ZNF724: variants seen among roughly 807,000 people sequenced by gnomAD.
ZNF724 encodes zinc finger protein 724 pseudogene.
ZNF724 carries 14 observed loss-of-function variants against 29.3 expected under a neutral mutation model. The observed-to-expected ratio is 0.48, with a 90% confidence interval of 0.32 to 0.75. The LOEUF (loss-of-function observed/expected upper bound fraction) is 0.75, where lower values mean the gene tolerates loss of function less well. Ranked by LOEUF, ZNF724 falls within the 30% of genes least tolerant of loss-of-function variation. The pLI is 0.04. For missense variants in ZNF724, 557 were observed against 571.2 expected (o/e 0.98, Z 0.25); for synonymous variants, 180 against 193.6 (o/e 0.93, Z 0.58).
At chr19:23,231,809 C>T (rs1971937880) in intron 2 of ZNF724, among the ~76,000 whole-genome samples, 1 of 151,972 alleles carries the variant, frequency 6.6e-6, no homozygotes, top group Non-Finnish European at 1.5e-5. Context: ...TCTCGGCTCA[C>T]TGCAACCTCC....
At chr19:23,235,442 C>G (rs1305652739) in intron 1 of ZNF724, among the ~76,000 whole-genome samples, 1 of 152,092 alleles carries the variant, frequency 6.6e-6, no homozygotes, top group Non-Finnish European at 1.5e-5. Flanking sequence ...GAATAGAAAA[C>G]AAGTTGCTAA....
intron 2 of ZNF724, 52 bp downstream of exon 2, chr19:23,232,114 AC>A: frequency 1.6e-6 from 2 of 1,221,136 alleles, no homozygotes; most frequent in Non-Finnish European, 2.4e-6. Flanking sequence ...CTACAAAAAA[AC>A]AAACGAAATA....
At chr19:23,239,086 G>C (rs375078548) in intron 1 of ZNF724, among the ~76,000 whole-genome samples, 2 of 149,554 alleles carry the variant, frequency 1.3e-5, no homozygotes, top group Admixed American at 1.3e-4. Context: ...AAGTTCTTAC[G>C]GAGAGCTATG....
chr19:23,234,029 C>G (rs1971983575), intron 1 of ZNF724, among the ~76,000 whole-genome samples: 1 of 151,962 alleles, frequency 6.6e-6, no homozygotes, highest in South Asian at 2.1e-4. Context: ...GAAGTTTCTC[C>G]TTTCCTGTCC....
At chr19:23,233,345 T>C (rs1489381375) in intron 1 of ZNF724, among the ~76,000 whole-genome samples, 1 of 152,194 alleles carries the variant, frequency 6.6e-6, no homozygotes, top group Non-Finnish European at 1.5e-5. Context: ...TTTTCAGAAC[T>C]TTCTGAGTAA....
chr19:23,226,829 CTTAA>C (rs1316568033), intron 3 of ZNF724, among the ~76,000 whole-genome samples: 2 of 152,146 alleles, frequency 1.3e-5, no homozygotes, highest in African/African-American at 2.4e-5. Context: ...TCATTTATTT[CTTAA>C]TTAAGCCCTA....
intron 1 of ZNF724, among the ~76,000 whole-genome samples, chr19:23,238,420 T>C (rs1303077800): frequency 6.6e-6 from 1 of 152,186 alleles, no homozygotes; most frequent in Non-Finnish European, 1.5e-5. Context: ...TCTGAGGTCC[T>C]AGATAAAGAC....
intron 3 of ZNF724, among the ~76,000 whole-genome samples, chr19:23,229,085 TTGAG>T (rs1971890500): frequency 6.7e-6 from 1 of 149,598 alleles, no homozygotes; most frequent in East Asian, 2.0e-4. Flanking sequence ...AAAAGAGAGA[TTGAG>T]AGAGAGAGCT....
chr19:23,231,117 A>T, intron 3 of ZNF724, 149 bp downstream of exon 3: 1 of 564,428 alleles, frequency 1.8e-6, no homozygotes, highest in Non-Finnish European at 2.9e-6. Flanking sequence ...ACCCGACCTT[A>T]GGTCATCTGC....
chr19:23,222,756 T>C lies in ZNF724; in HGVS notation c.1489A>G (p.Lys497Glu). ...GGTTTCTCTCCAGTATGAATTTTCTTATGTGTTGTAAGGTGTGAGGATAGG... is the reference window on the plus strand; with the variant it reads ...GGTTTCTCTCCAGTATGAATTTTCTCATGTGTTGTAAGGTGTGAGGATAGG... ...FNLSSHLTTH[K>E]KIHTGEKPYK... The change falls in exon 4 of 4, where the codon AAG becomes GAG. Residue 497 changes from lysine (K) to glutamate (E), a missense_variant. Physicochemically the swap from Lys to Glu is moderately conservative, Grantham distance 56. Around this residue, in one of 3 missense-constraint regions of ZNF724, gnomAD observed 170 missense variants for 220.7 expected, o/e 0.77. Coordinates refer to ENST00000418100, the MANE Select transcript of ZNF724 (RefSeq NM_001355404.2). The C allele has an allele frequency of 1.4e-6, 2 of 1,406,892 alleles. No homozygotes were observed. The highest frequency in any genetic ancestry group is 1.2e-5 in the South Asian group (1 of 84,128). 87.2% of individuals were successfully genotyped at this position (1,406,892 alleles called of 1,614,324 possible).
At chr19:23,237,008 AC>A (rs888718937) in intron 1 of ZNF724, among the ~76,000 whole-genome samples, 1 of 150,922 alleles carries the variant, frequency 6.6e-6, no homozygotes. Flanking sequence ...ACCCACCACC[AC>A]CCCCCGCTAA....
intron 1 of ZNF724, among the ~76,000 whole-genome samples, chr19:23,239,525 G>A (rs943550302): frequency 1.3e-5 from 2 of 151,854 alleles, no homozygotes; most frequent in Non-Finnish European, 2.9e-5. Flanking sequence ...AAACAAATAA[G>A]AAGAACAAAG....
intron 3 of ZNF724, 153 bp downstream of exon 3, chr19:23,231,113 C>T (rs2145778730): frequency 1.8e-6 from 1 of 551,140 alleles, no homozygotes; most frequent in African/African-American, 1.9e-5. Flanking sequence ...GAACACCCGA[C>T]CTTAGGTCAT....
At chr19:23,229,670 T>C (rs1971900943) in intron 3 of ZNF724, among the ~76,000 whole-genome samples, 1 of 152,236 alleles carries the variant, frequency 6.6e-6, no homozygotes, top group South Asian at 2.1e-4. Context: ...TAAACCCTTG[T>C]GCAGACATAG....
chr19:23,245,986 G>T (rs886593829), intron 1 of ZNF724, among the ~76,000 whole-genome samples: 1 of 152,096 alleles, frequency 6.6e-6, no homozygotes, highest in Non-Finnish European at 1.5e-5. Flanking sequence ...TTCCATGGCT[G>T]GAGTGAGCAG....
Position 23,231,369 on chromosome 19 carries a change from A to C in ZNF724, c.131-8T>G. The C allele has an allele frequency of 7.4e-7, 1 of 1,344,096 alleles. No individual in the cohort carries two copies. The highest frequency in any genetic ancestry group is 1.1e-6 in the Non-Finnish European group (1 of 944,958). The allele number at this position is 1,344,096 out of a possible 1,614,324, so 83.3% of individuals were successfully genotyped here. A position where few individuals can be genotyped will look rare whatever the true frequency, so the allele number is the denominator to read the frequency against. ...GCTTAGAGACAGCAATACCTGTTTT[A>C]TTAAAAATAAATAACATGAATGTTG... On this transcript the variant is annotated splice_region_variant and splice_polypyrimidine_tract_variant and intron_variant, in intron 2 of 3. Coordinates refer to ENST00000418100, the MANE Select transcript of ZNF724 (RefSeq NM_001355404.2).
intron 1 of ZNF724, 138 bp downstream of exon 1, chr19:23,250,102 G>A (rs1354904011): frequency 3.8e-6 from 2 of 521,710 alleles, no homozygotes; most frequent in East Asian, 5.2e-5. Flanking sequence ...AGGGGACTGA[G>A]GCCCAGCTGG....
intron 3 of ZNF724, among the ~76,000 whole-genome samples, chr19:23,228,412 C>T (rs929088704): frequency 2.0e-5 from 3 of 151,698 alleles, no homozygotes; most frequent in Non-Finnish European, 4.4e-5. Flanking sequence ...CAAGATCGGG[C>T]CACTGCACTC....
intron 3 of ZNF724, among the ~76,000 whole-genome samples, chr19:23,226,684 A>T (rs892768007): frequency 6.6e-6 from 1 of 152,282 alleles, no homozygotes; most frequent in East Asian, 1.9e-4. Flanking sequence ...ACAACTACTC[A>T]CTTATATAAG....
Sources: gnomAD v4.1 joint callset for allele counts (sites outside exome capture counted in the v4.1 genomes callset) on GRCh38, gnomAD v4.1.1 for gene constraint, gnomAD v4.1.1 regional missense constraint, MANE v1.5 for transcripts, NCBI Gene and HGNC (gene_info 2026-07-23, HGNC 2026-07-21) for gene names.